Variants in KIF5A observed in about 807,000 individuals in gnomAD.
KIF5A encodes kinesin family member 5A, also known as kinesin heavy chain isoform 5A.
In KIF5A, 35 loss-of-function variants were observed where a neutral mutation model predicts 141.3. That is an observed-to-expected ratio of 0.25 (90% CI 0.19 to 0.33). The LOEUF is 0.33. Ranked by LOEUF, KIF5A falls within the 10% of genes least tolerant of loss-of-function variation. The pLI is 1.00. For synonymous variants in KIF5A, 448 were observed against 500.2 expected, an observed-to-expected ratio of 0.90 and a Z score of 1.39; for missense variants, 861 against 1,314.3, an observed-to-expected ratio of 0.66 and a Z score of 5.33.
chr12:57,585,369 G>A lies in KIF5A; in HGVS notation c.*1188G>A, dbSNP rs1405658080. Reference sequence around the variant, plus strand: ...AGTGCACTTTAAAGAAAGGGGCAGGGTGGATTTTCAAGAGGTGGGAAGCTC... The same window carrying A: ...AGTGCACTTTAAAGAAAGGGGCAGGATGGATTTTCAAGAGGTGGGAAGCTC... On this transcript the variant is annotated 3_prime_UTR_variant, in exon 29 of 29. Transcript: ENST00000455537. 1 of 154,394 alleles carries A rather than the reference G, an allele frequency of 6.5e-6. No individual in the cohort carries two copies. The highest frequency in any genetic ancestry group is 1.9e-4 in the East Asian group (1 of 5,196). 9.6% of individuals were successfully genotyped at this position (154,394 alleles called of 1,614,324 possible). A position where few individuals can be genotyped will look rare whatever the true frequency, so the allele number is the denominator to read the frequency against.
Position 57,582,582 on chromosome 12 carries a change from C to G in KIF5A, c.2993-20C>G, listed in dbSNP as rs375827219. 1 of 1,606,036 alleles carries G rather than the reference C, an allele frequency of 6.2e-7. No individual in the cohort carries two copies. Among genetic ancestry groups the G allele is most frequent in the African/African-American group, 1.3e-5 (1 of 74,810 alleles). On this transcript the variant is annotated intron_variant, in intron 26 of 28. Transcript: ENST00000455537. Reference sequence around the variant, plus strand: ...TTTTTTCTTCTTCTAATCCTGTGTTCTCAATGATGATCTCTTCAGGAAATG... The same window carrying G: ...TTTTTTCTTCTTCTAATCCTGTGTTGTCAATGATGATCTCTTCAGGAAATG...
chr12:57,557,211 C>A (rs947497214), intron 1 of KIF5A, among the ~76,000 whole-genome samples: 2 of 150,468 alleles, frequency 1.3e-5, no homozygotes, highest in African/African-American at 2.5e-5. Flanking sequence ...AATGCTGATA[C>A]GAAGTCAATA....
At chr12:57,553,323 A>G (rs1594905829) in intron 1 of KIF5A, among the ~76,000 whole-genome samples, 2 of 152,086 alleles carry the variant, frequency 1.3e-5, no homozygotes, top group African/African-American at 2.4e-5. Context: ...AGGTCTCCCA[A>G]TGGTTAAGTG....
intron 28 of KIF5A, 84 bp downstream of exon 28, chr12:57,583,299 C>CTTT (rs35104895): frequency 1.2e-5 from 8 of 641,586 alleles, no homozygotes; most frequent in African/African-American, 3.8e-5. Context: ...GCTGCTGCTT[C>CTTT]TTTTTTTTTT....
chr12:57,550,259 G>C lies in KIF5A; in HGVS notation c.-13G>C. On this transcript the variant is annotated 5_prime_UTR_variant, in exon 1 of 29. Coordinates refer to ENST00000455537, the MANE Select transcript of KIF5A (RefSeq NM_004984.4). The surrounding 1 kb of genome is among the most constrained non-coding windows in gnomAD (Gnocchi z 4.6). ...AGCCCAAGAAGAGTCCCAGCCCCAC[G>C]CCGGCTACCACCATGGCGGAGACCA... 1.2e-6 allele frequency: 2 copies of C among 1,613,864 alleles called. No individual in the cohort carries two copies. Among genetic ancestry groups the C allele is most frequent in the Non-Finnish European group, 1.7e-6 (2 of 1,179,960 alleles).
chr12:57,563,378 G>C (rs980099124), intron 1 of KIF5A, 61 bp from the exon 2 acceptor site: 2 of 1,196,418 alleles, frequency 1.7e-6, no homozygotes, highest in East Asian at 4.7e-5. Context: ...AGGAGGTTGT[G>C]GTATTTCTTT....
At chr12:57,582,016 G>A (rs774810926) in intron 26 of KIF5A, 64 bp downstream of exon 26, 3 of 1,313,442 alleles carry the variant, frequency 2.3e-6, no homozygotes, top group Admixed American at 1.7e-5. Context: ...AGGCATAAAA[G>A]TAAGTGACCT....
At chr12:57,556,199 C>T (rs1881737036) in intron 1 of KIF5A, among the ~76,000 whole-genome samples, 4 of 150,812 alleles carry the variant, frequency 2.7e-5, no homozygotes, top group African/African-American at 4.9e-5. Context: ...AGTGCAGTGG[C>T]GCGATCTCGG....
Position 57,581,879 on chromosome 12 carries a change from C to G in KIF5A, c.2919C>G (p.Asn973Lys), listed in dbSNP as rs776798327. 9.9e-6 allele frequency: 16 copies of G among 1,613,900 alleles called. No homozygotes were observed. Among genetic ancestry groups the G allele is most frequent in the Admixed American group, 1.7e-5 (1 of 60,000 alleles). ...PSSTSDMYFA[N>K]SCTSSGATSS... The stretch of plus-strand genomic sequence containing the variant: ...CCTCTGCTCCATCCAGCTTTGCAAA[C>G]TCCTGTACCAGCAGTGGAGCCACAT... Residue 973 changes from asparagine to lysine, a missense_variant, in exon 26 of 29, where the codon AAC becomes AAG. Asn to Lys is a moderately conservative substitution (Grantham distance 94). Transcript: ENST00000455537.
chr12:57,582,161 T>C (rs1312873538), intron 26 of KIF5A, among the ~76,000 whole-genome samples: 1 of 152,192 alleles, frequency 6.6e-6, no homozygotes, highest in Admixed American at 6.5e-5. Context: ...GGAGGATTGC[T>C]TGAGCTCAGG....
At chr12:57,565,289 C>T (rs12811003) in intron 6 of KIF5A, among the ~76,000 whole-genome samples, 8,343 of 151,986 alleles carry the variant, frequency 0.055, 263 homozygotes, top group East Asian at 0.091. Flanking sequence ...GGCGTGGTGG[C>T]ACATGCTTGT....
chr12:57,567,032 C>G, intron 6 of KIF5A, 94 bp from the exon 7 acceptor site: 1 of 571,450 alleles, frequency 1.7e-6, no homozygotes, highest in Non-Finnish European at 2.8e-6. Context: ...AGCGAGACTC[C>G]ATCTCAAAAG....
At chr12:57,564,387 T>C in intron 4 of KIF5A, 73 bp from the exon 5 acceptor site, 2 of 1,199,932 alleles carry the variant, frequency 1.7e-6, no homozygotes, top group Non-Finnish European at 2.5e-6. Context: ...GCAGGTCACA[T>C]TAGTATGGGA....
rs150672943 is a variant in KIF5A at position 57,581,498 on chromosome 12, A to G, written c.2839A>G (p.Thr947Ala). The G allele has an allele frequency of 1.8e-3, 2,944 of 1,614,030 alleles. 3 individuals are homozygous for G. Among genetic ancestry groups the G allele is most frequent in the Non-Finnish European group, 2.3e-3 (2,721 of 1,180,000 alleles). ...CCGGAGCCCTGAGTGCATCAGTTACACCAACAGCCTCTTCCAGAACTACCA... is the reference window on the plus strand; with the variant it reads ...CCGGAGCCCTGAGTGCATCAGTTACGCCAACAGCCTCTTCCAGAACTACCA... ...GTRSPECISY[T>A]NSLFQNYQNL... The change falls in exon 25 of 29, where the codon ACC becomes GCC. Residue 947 changes from threonine (T) to alanine (A), a missense_variant. Physicochemically the swap from Thr to Ala is moderately conservative, Grantham distance 58 (BLOSUM62 0). This residue lies in a region of KIF5A where 482 missense variants were observed against 661.3 expected (regional missense o/e 0.73). Transcript: ENST00000455537.
At chr12:57,579,090 A>C (rs1882516764) in intron 23 of KIF5A, among the ~76,000 whole-genome samples, 1 of 151,916 alleles carries the variant, frequency 6.6e-6, no homozygotes, top group Non-Finnish European at 1.5e-5. Flanking sequence ...TGTCCCTAAG[A>C]TGGCCCAACC....
At chr12:57,555,742 G>A (rs970098219) in intron 1 of KIF5A, among the ~76,000 whole-genome samples, 1 of 150,198 alleles carries the variant, frequency 6.7e-6, no homozygotes, top group Non-Finnish European at 1.5e-5. Flanking sequence ...AACCCTGTCT[G>A]TACTGAAAAT....
chr12:57,569,472 C>A, intron 10 of KIF5A, 63 bp from the exon 11 acceptor site: 1 of 1,613,410 alleles, frequency 6.2e-7, no homozygotes, highest in Non-Finnish European at 8.5e-7. Context: ...GCGGCTCTCT[C>A]TCCTCAGGGT....
intron 1 of KIF5A, among the ~76,000 whole-genome samples, chr12:57,558,085 C>T (rs1196110411): frequency 6.6e-6 from 1 of 152,064 alleles, no homozygotes; most frequent in African/African-American, 2.4e-5. Context: ...CAAATGGTAG[C>T]GTATTATACA....
chr12:57,578,233 CT>C lies in KIF5A; in HGVS notation c.2434-4del. On this transcript the variant is annotated splice_region_variant and splice_polypyrimidine_tract_variant and intron_variant, in intron 22 of 28. Coordinates refer to ENST00000455537, the MANE Select transcript of KIF5A (RefSeq NM_004984.4). Reference sequence around the variant, plus strand: ...AGCCACGTCTTTCCTTCTATCTGTTCTCAGAGTGCAGAAATGGAGCCCGAAG... The same window carrying C: ...AGCCACGTCTTTCCTTCTATCTGTTCCAGAGTGCAGAAATGGAGCCCGAAG... 1 of 1,612,530 alleles carries C rather than the reference CT, an allele frequency of 6.2e-7. No individual in the cohort carries two copies. Among genetic ancestry groups the C allele is most frequent in the Non-Finnish European group, 8.5e-7 (1 of 1,178,536 alleles).
Sources: gnomAD v4.1 joint callset for allele counts (sites outside exome capture counted in the v4.1 genomes callset) on GRCh38, gnomAD v4.1.1 for gene constraint, gnomAD v4.1.1 regional missense constraint, Gnocchi (gnomAD v3.1) non-coding constraint, MANE v1.5 for transcripts, NCBI Gene and HGNC (gene_info 2026-07-23, HGNC 2026-07-21) for gene names.